PPP2R2C: variants seen among roughly 807,000 people sequenced by gnomAD.
PPP2R2C encodes protein phosphatase 2 regulatory subunit Bgamma.
In PPP2R2C, 10 loss-of-function variants were observed where a neutral mutation model predicts 45.3. The observed-to-expected ratio is 0.22, with a 90% CI of 0.14 to 0.37. The LOEUF is 0.37. Ranked by LOEUF, PPP2R2C falls within the 10% of genes least tolerant of loss-of-function variation. The pLI is 1.00. For missense variants in PPP2R2C, 308 were observed against 619.7 expected, an observed-to-expected ratio of 0.50 and a Z score of 5.34; for synonymous variants, 257 against 245.4, an observed-to-expected ratio of 1.05 and a Z score of -0.44.
chr4:6,382,540 C>T, intron 1 of PPP2R2C: 3 of 1,349,092 alleles, frequency 2.2e-6, no homozygotes, highest in Non-Finnish European at 2.9e-6. Context: ...CCTCCTCAGC[C>T]TCATCCTCTG....
At chr4:6,462,720 TAACA>T (rs1419244002) in intron 1 of PPP2R2C, among the ~76,000 whole-genome samples, 1 of 152,196 alleles carries the variant, frequency 6.6e-6, no homozygotes, top group Non-Finnish European at 1.5e-5. Flanking sequence ...TGAGGTGGGA[TAACA>T]GCACTGGGCT....
chr4:6,525,403 T>C (rs1215957115), intron 2 of PPP2R2C, among the ~76,000 whole-genome samples: 1 of 134,222 alleles, frequency 7.5e-6, no homozygotes, highest in African/African-American at 2.6e-5. Context: ...CGACCCCATC[T>C]CAAAATAAGT....
At chr4:6,533,638 C>G (rs12642889) in intron 2 of PPP2R2C, among the ~76,000 whole-genome samples, 45,874 of 152,140 alleles carry the variant, frequency 0.3, 7,722 homozygotes, top group East Asian at 0.52. Flanking sequence ...TTGACATTGC[C>G]GTCCAAATGC....
At chr4:6,518,813 C>A (rs1262521667) in intron 2 of PPP2R2C, among the ~76,000 whole-genome samples, 1 of 151,002 alleles carries the variant, frequency 6.6e-6, no homozygotes, top group Non-Finnish European at 1.5e-5. Flanking sequence ...GTCCCAACTA[C>A]CCAAGAGGCT....
intron 1 of PPP2R2C, among the ~76,000 whole-genome samples, chr4:6,549,450 C>G (rs547811094): frequency 3.3e-4 from 51 of 152,324 alleles, no homozygotes; most frequent in African/African-American, 1.2e-3. Flanking sequence ...TGAATAATGA[C>G]AAAGATACAG....
rs150543001 is a variant in PPP2R2C, at chr4:6,442,892, G to A, written c.70+29268C>T. On this transcript the variant is annotated intron_variant, in intron 1 of 8. Coordinates refer to ENST00000382599, the MANE Select transcript of PPP2R2C (RefSeq NM_020416.4). ...GCTGCACAGCAGTGGGACGCTCTGC[G>A]TGATGAGTTCTGGGTCCCACAAGTC... 1.1e-3 allele frequency among the ~76,000 whole-genome samples: 167 copies of A among 152,358 alleles called. 1 individual carries two copies. The highest frequency in any genetic ancestry group is 3.6e-3 in the African/African-American group (150 of 41,586).
chr4:6,452,252 G>A (rs752897939), intron 1 of PPP2R2C, among the ~76,000 whole-genome samples: 9 of 152,102 alleles, frequency 5.9e-5, no homozygotes, highest in Admixed American at 1.3e-4. Context: ...GGGTGACACC[G>A]CAGGTTCCCA....
intron 1 of PPP2R2C, among the ~76,000 whole-genome samples, chr4:6,549,843 G>A (rs1725123247): frequency 1.3e-5 from 2 of 152,186 alleles, no homozygotes; most frequent in South Asian, 4.1e-4. Context: ...CAGTCCTTAT[G>A]GGACAGCAGC....
chr4:6,402,692 G>A (rs1717496906), intron 1 of PPP2R2C, among the ~76,000 whole-genome samples: 1 of 152,228 alleles, frequency 6.6e-6, no homozygotes, highest in Non-Finnish European at 1.5e-5. Flanking sequence ...CTGCGATGGA[G>A]GGAGACATGG....
At chr4:6,325,901 G>C (rs1311023625) in intron 8 of PPP2R2C, among the ~76,000 whole-genome samples, 2 of 152,302 alleles carry the variant, frequency 1.3e-5, no homozygotes, top group South Asian at 4.1e-4. Context: ...TCCTGCCCTC[G>C]CCACCCGTGG....
intron 1 of PPP2R2C, among the ~76,000 whole-genome samples, chr4:6,397,658 C>G (rs1021666562): frequency 1.9e-4 from 29 of 152,168 alleles, no homozygotes; most frequent in African/African-American, 6.5e-4. Flanking sequence ...AGTGCAGCTG[C>G]CAGACCTACC....
In PPP2R2C at chr4:6,471,290, C is replaced by T. The variant is rs1376016916; in HGVS notation, c.70+870G>A. Among the ~76,000 whole-genome samples the T allele has an allele frequency of 6.6e-6, 1 of 152,198 alleles. No homozygotes were observed. Among genetic ancestry groups the T allele is most frequent in the East Asian group, 1.9e-4 (1 of 5,166 alleles). On this transcript the variant is annotated intron_variant, in intron 1 of 8. Coordinates refer to ENST00000382599, the MANE Select transcript of PPP2R2C (RefSeq NM_020416.4). This position sits in a 1 kb window ranked among gnomAD's most constrained non-coding sequence, Gnocchi z 5.6. ...CCCCGAGCCCAGACCTCCCGGTCCC[C>T]ATCCTCCATCGGGGTCACTCCGCGG... is the stretch of plus-strand genomic sequence containing the variant.
chr4:6,357,426 A>G (rs1179967841), intron 5 of PPP2R2C, among the ~76,000 whole-genome samples: 1 of 152,228 alleles, frequency 6.6e-6, no homozygotes, highest in African/African-American at 2.4e-5. Flanking sequence ...AGCCAGACGT[A>G]GGATTTCTAT....
rs1215961545 is a variant in PPP2R2C at position 6,324,506 on chromosome 4, CCAAA to C, written c.1053-917_1053-914del. ...GTCCAGGAGAGAAAGCTCTGGCCTT[CCAAA>C]CAGACTGTGCAACCACAGCAGGAGG... On this transcript the variant is annotated intron_variant, in intron 8 of 8. Coordinates refer to ENST00000382599, the MANE Select transcript of PPP2R2C (RefSeq NM_020416.4). This position sits in a 1 kb window ranked among gnomAD's most constrained non-coding sequence, Gnocchi z 4.1. Among the ~76,000 whole-genome samples, 3 of 152,334 alleles carry C rather than the reference CCAAA, an allele frequency of 2.0e-5. No homozygotes were observed. The highest frequency in any genetic ancestry group is 3.4e-3 in the Middle Eastern group (1 of 294).
At chr4:6,439,321 CCTT>C (rs1720035444) in intron 1 of PPP2R2C, among the ~76,000 whole-genome samples, 1 of 152,232 alleles carries the variant, frequency 6.6e-6, no homozygotes, top group African/African-American at 2.4e-5. Context: ...AGAAATGACT[CCTT>C]CTGCAGTTTG....
At chr4:6,554,740 A>C (rs148266929) in intron 1 of PPP2R2C, among the ~76,000 whole-genome samples, 12 of 151,894 alleles carry the variant, frequency 7.9e-5, no homozygotes, top group African/African-American at 2.9e-4. Context: ...CACACCTGTA[A>C]TCCCAGCTAC....
chr4:6,543,998 C>T (rs763480284), intron 1 of PPP2R2C, among the ~76,000 whole-genome samples: 4 of 152,206 alleles, frequency 2.6e-5, no homozygotes, highest in African/African-American at 7.2e-5. Flanking sequence ...CCATGGAAGA[C>T]GCTCAAGTCC....
rs869179530 is a variant in PPP2R2C at position 6,434,375 on chromosome 4, TG to T, written c.70+37784del. Among the ~76,000 whole-genome samples, 7 of 138,334 alleles carry T rather than the reference TG, an allele frequency of 5.1e-5. 2 individuals carry two copies. Among genetic ancestry groups the T allele is most frequent in the Admixed American group, 1.5e-4 (2 of 13,772 alleles). The allele number at this position is 138,334 out of a possible 152,430, so 90.8% of individuals were successfully genotyped here. On this transcript the variant is annotated intron_variant, in intron 1 of 8. Transcript: ENST00000382599. Reference sequence around the variant, plus strand: ...TTTTCTTTTCTTTTTTTTTTTTTTTTGGAGACAGAGTCTCACACTGTCACCC... The same window carrying T: ...TTTTCTTTTCTTTTTTTTTTTTTTTTGAGACAGAGTCTCACACTGTCACCC...
chr4:6,406,237 A>C (rs1055684271), intron 1 of PPP2R2C, among the ~76,000 whole-genome samples: 1 of 152,196 alleles, frequency 6.6e-6, no homozygotes, highest in Non-Finnish European at 1.5e-5. Flanking sequence ...AGGGATCTAA[A>C]CCTCAGCCAA....
Sources: allele counts gnomAD v4.1 joint callset (sites outside exome capture counted in the v4.1 genomes callset), GRCh38; gene constraint gnomAD v4.1.1; non-coding constraint Gnocchi (gnomAD v3.1); transcripts MANE v1.5; gene names NCBI Gene and HGNC (gene_info 2026-07-23, HGNC 2026-07-21).